Variants in NLGN1 observed in about 807,000 individuals in gnomAD.
NLGN1 encodes neuroligin-1.
A neutral mutation model predicts 65.5 loss-of-function variants in NLGN1; 12 were observed. That is an observed-to-expected ratio of 0.18 (90% CI 0.12 to 0.30). The LOEUF is 0.30. NLGN1 is among the 10% of genes least tolerant of loss of function. NLGN1 has a pLI of 1.00. For missense variants in NLGN1, 750 were observed against 1,007.1 expected (o/e 0.74, Z 3.46); for synonymous variants, 350 against 359.5 (o/e 0.97, Z 0.30).
At chr3:173,452,648 A>G (rs578041979) in intron 2 of NLGN1, among the ~76,000 whole-genome samples, 12 of 152,320 alleles carry the variant, frequency 7.9e-5, no homozygotes, top group African/African-American at 2.9e-4. Context: ...CATAGTAGAG[A>G]CAGAACATAA....
chr3:173,900,871 T>C (rs1248920498), intron 4 of NLGN1, among the ~76,000 whole-genome samples: 1 of 152,008 alleles, frequency 6.6e-6, no homozygotes, highest in African/African-American at 2.4e-5. Context: ...GGGGAGCATG[T>C]GTTATACTGA....
chr3:173,598,933 T>C (rs1175999332), intron 2 of NLGN1, among the ~76,000 whole-genome samples: 1 of 152,146 alleles, frequency 6.6e-6, no homozygotes, highest in African/African-American at 2.4e-5. Flanking sequence ...CTTTGAATAC[T>C]GGCAGGAACC....
chr3:174,146,077 T>C (rs886587850), intron 4 of NLGN1, among the ~76,000 whole-genome samples: 3 of 151,672 alleles, frequency 2.0e-5, no homozygotes, highest in African/African-American at 7.3e-5. Context: ...TATAACCTAT[T>C]AATCTATTCT....
intron 4 of NLGN1, among the ~76,000 whole-genome samples, chr3:174,115,769 T>C (rs1160399685): frequency 6.6e-6 from 1 of 152,198 alleles, no homozygotes; most frequent in Admixed American, 6.5e-5. Context: ...GACTATAATT[T>C]ATCCTCTATC....
chr3:173,607,553 A>G (rs1037723875), intron 3 of NLGN1, among the ~76,000 whole-genome samples: 3 of 151,814 alleles, frequency 2.0e-5, no homozygotes, highest in African/African-American at 7.2e-5. Flanking sequence ...TTTAGAGTTT[A>G]GCTTTTAACT....
At chr3:173,723,878 C>G (rs1396663316) in intron 3 of NLGN1, among the ~76,000 whole-genome samples, 1 of 152,146 alleles carries the variant, frequency 6.6e-6, no homozygotes, top group African/African-American at 2.4e-5. Flanking sequence ...AGTGGTTTGG[C>G]TCAGAACAGT....
At chr3:173,867,731 A>G (rs1376194708) in intron 4 of NLGN1, among the ~76,000 whole-genome samples, 1 of 152,104 alleles carries the variant, frequency 6.6e-6, no homozygotes, top group Non-Finnish European at 1.5e-5. Context: ...TTTCAATTGT[A>G]ATAATACAGG....
At chr3:174,143,124 CA>C (rs1722603969) in intron 4 of NLGN1, among the ~76,000 whole-genome samples, 1 of 152,160 alleles carries the variant, frequency 6.6e-6, no homozygotes, top group African/African-American at 2.4e-5. Flanking sequence ...TCCACTCCAT[CA>C]ATCCAATCAC....
intron 3 of NLGN1, among the ~76,000 whole-genome samples, chr3:173,623,436 G>C (rs1382004087): frequency 2.6e-5 from 4 of 152,098 alleles, no homozygotes; most frequent in African/African-American, 9.7e-5. Flanking sequence ...TGAGGTTAAA[G>C]TGAACAATCA....
chr3:173,760,667 A>G (rs1777840769), intron 3 of NLGN1, among the ~76,000 whole-genome samples: 1 of 151,994 alleles, frequency 6.6e-6, no homozygotes, highest in Non-Finnish European at 1.5e-5. Context: ...CCTCTTTCTA[A>G]TTAAAGCCAT....
intron 2 of NLGN1, among the ~76,000 whole-genome samples, chr3:173,543,514 T>C (rs1739246820): frequency 1.3e-5 from 2 of 152,124 alleles, no homozygotes; most frequent in Admixed American, 6.6e-5. Flanking sequence ...GGATTTTTGA[T>C]GATTCCGACA....
At chr3:174,216,142 G>A (rs1002549112) in intron 4 of NLGN1, among the ~76,000 whole-genome samples, 34 of 152,062 alleles carry the variant, frequency 2.2e-4, no homozygotes, top group African/African-American at 7.7e-4. Flanking sequence ...TAAATTGTGC[G>A]CTTTACAAAT....
intron 3 of NLGN1, among the ~76,000 whole-genome samples, chr3:173,707,160 A>G (rs941892103): frequency 7.2e-5 from 11 of 152,220 alleles, no homozygotes; most frequent in African/African-American, 2.2e-4. Flanking sequence ...TTAAATCCAC[A>G]GATACTTCAT....
intron 4 of NLGN1, among the ~76,000 whole-genome samples, chr3:174,265,897 T>C (rs1748069536): frequency 7.2e-6 from 1 of 139,208 alleles, no homozygotes; most frequent in African/African-American, 2.6e-5. Context: ...CGTATATATG[T>C]ATATATGTGT....
intron 4 of NLGN1, among the ~76,000 whole-genome samples, chr3:174,161,807 G>A (rs1050059765): frequency 2.6e-5 from 4 of 151,890 alleles, no homozygotes; most frequent in African/African-American, 9.7e-5. Flanking sequence ...GAATGGAACT[G>A]ATAGAAGACA....
chr3:173,868,354 G>A (rs1730579192), intron 4 of NLGN1, among the ~76,000 whole-genome samples: 1 of 152,066 alleles, frequency 6.6e-6, no homozygotes, highest in Non-Finnish European at 1.5e-5. Context: ...TGACTATATC[G>A]ATATAATTCA....
At chr3:173,877,007 TTAAA>T (rs1314780621) in intron 4 of NLGN1, among the ~76,000 whole-genome samples, 12 of 152,112 alleles carry the variant, frequency 7.9e-5, no homozygotes, top group Non-Finnish European at 1.0e-4. Context: ...GAGTAAAACT[TTAAA>T]TAAGAATAGG....
chr3:174,049,776 A>T (rs1160447424), intron 4 of NLGN1, among the ~76,000 whole-genome samples: 1 of 152,174 alleles, frequency 6.6e-6, no homozygotes, highest in Non-Finnish European at 1.5e-5. Flanking sequence ...AGAGGAATAC[A>T]GAATGATGGA....
intron 3 of NLGN1, among the ~76,000 whole-genome samples, chr3:173,648,601 G>A (rs994333564): frequency 1.3e-5 from 2 of 151,204 alleles, no homozygotes; most frequent in Non-Finnish European, 2.9e-5. Flanking sequence ...TTTAGACAAA[G>A]TCTCACTTTA....
Sources: allele counts gnomAD v4.1 joint callset (sites outside exome capture counted in the v4.1 genomes callset), GRCh38; gene constraint gnomAD v4.1.1; transcripts MANE v1.5; gene names NCBI Gene and HGNC (gene_info 2026-07-23, HGNC 2026-07-21).